The following LHPP variants were observed in gnomAD, a reference collection of about 807,000 sequenced individuals.
LHPP encodes phospholysine phosphohistidine inorganic pyrophosphate phosphatase.
LHPP carries 24 observed loss-of-function variants against 30.3 expected under a neutral mutation model. That is an observed-to-expected ratio of 0.79 (90% CI 0.57 to 1.11). The LOEUF (loss-of-function observed/expected upper bound fraction) is 1.11. Among genes scored for constraint, LHPP ranks in the 50% most tolerant of loss-of-function variants. The pLI is 0.00. For missense variants in LHPP, 356 were observed against 367.2 expected, an observed-to-expected ratio of 0.97 and a Z score of 0.25; for synonymous variants, 150 against 157.1, an observed-to-expected ratio of 0.95 and a Z score of 0.34.
At chr10:124,552,299 A>C (rs974576461) in intron 6 of LHPP, among the ~76,000 whole-genome samples, 3 of 152,104 alleles carry the variant, frequency 2.0e-5, no homozygotes, top group African/African-American at 7.2e-5. Flanking sequence ...CTACTTGACC[A>C]AGGTCATCCC....
chr10:124,484,076 C>A, intron 1 of LHPP, 63 bp from the exon 2 acceptor site: 1 of 1,522,088 alleles, frequency 6.6e-7, no homozygotes, highest in South Asian at 1.2e-5. Flanking sequence ...CACCGCGCAA[C>A]CTCCTTCAGA....
intron 6 of LHPP, among the ~76,000 whole-genome samples, chr10:124,582,672 T>G (rs1189172623): frequency 6.6e-6 from 1 of 152,162 alleles, no homozygotes; most frequent in Non-Finnish European, 1.5e-5. Context: ...ACACCCTATA[T>G]TCTTACAATA....
intron 4 of LHPP, among the ~76,000 whole-genome samples, 153 bp downstream of exon 4, chr10:124,497,177 C>CCGGGCCCT (rs1208393701): frequency 2.7e-5 from 4 of 150,544 alleles, no homozygotes; most frequent in African/African-American, 9.8e-5. Flanking sequence ...GCTCCCCTGG[C>CCGGGCCCT]CGGGCCCTCG....
intron 6 of LHPP, among the ~76,000 whole-genome samples, chr10:124,561,467 G>A (rs1043735695): frequency 1.3e-4 from 19 of 151,986 alleles, no homozygotes; most frequent in African/African-American, 4.6e-4. Context: ...CCCACTGGAC[G>A]GGCAGCATCA....
chr10:124,589,041 G>T (rs147629398), intron 6 of LHPP, among the ~76,000 whole-genome samples: 46 of 152,338 alleles, frequency 3.0e-4, no homozygotes, highest in African/African-American at 1.0e-3. Context: ...GCTCCGAGAT[G>T]ATCTCATGGT....
rs143278038 is a variant in LHPP, at chr10:124,488,444, G to A, written c.336G>A (p.Gln112=). The change falls in exon 3 of 7, where the codon CAG becomes CAA. Residue 112 remains glutamine, a synonymous_variant. Coordinates refer to ENST00000368842, the MANE Select transcript of LHPP (RefSeq NM_022126.4). ...IHDGVRSEFD[Q]IDTSNPNCVV... The stretch of plus-strand genomic sequence containing the variant: ...CAGGAGTCCGCTCAGAATTTGATCA[G>A]ATCGACACATCCAACCCAAACTGTG... 2 of 1,614,092 alleles carry A rather than the reference G, an allele frequency of 1.2e-6. No homozygotes were observed.
chr10:124,532,691 T>C (rs1954928197), intron 6 of LHPP, among the ~76,000 whole-genome samples: 1 of 152,256 alleles, frequency 6.6e-6, no homozygotes, highest in East Asian at 1.9e-4. Context: ...TCTGCATTTG[T>C]GGTTCTCTTC....
intron 6 of LHPP, among the ~76,000 whole-genome samples, chr10:124,607,416 G>A (rs182495027): frequency 7.9e-5 from 12 of 152,402 alleles, no homozygotes; most frequent in Non-Finnish European, 4.4e-5. Flanking sequence ...TTTCCGCTGC[G>A]TGTGGGCAAA....
At chr10:124,595,247 G>A (rs1056840745) in intron 6 of LHPP, among the ~76,000 whole-genome samples, 10 of 152,312 alleles carry the variant, frequency 6.6e-5, no homozygotes, top group South Asian at 2.1e-4. Flanking sequence ...TTCCCCACCC[G>A]CTGCAACCTG....
chr10:124,462,785 C>T (rs1215475240), intron 1 of LHPP, among the ~76,000 whole-genome samples: 2 of 152,240 alleles, frequency 1.3e-5, no homozygotes, highest in African/African-American at 4.8e-5. Context: ...GCAACCTCCG[C>T]CTCCCGGGTG....
chr10:124,578,300 C>T (rs1948694967), intron 6 of LHPP, among the ~76,000 whole-genome samples: 1 of 152,236 alleles, frequency 6.6e-6, no homozygotes, highest in Non-Finnish European at 1.5e-5. Context: ...CGCCCCGTGA[C>T]CACCTCAGGG....
chr10:124,555,165 T>C (rs534764740), intron 6 of LHPP, among the ~76,000 whole-genome samples: 2 of 152,258 alleles, frequency 1.3e-5, no homozygotes, highest in South Asian at 4.2e-4. Flanking sequence ...CCCTTTGCTC[T>C]CTTCCTGGGT....
At chr10:124,604,486 G>A (rs991907233) in intron 6 of LHPP, among the ~76,000 whole-genome samples, 5 of 152,222 alleles carry the variant, frequency 3.3e-5, no homozygotes, top group African/African-American at 1.2e-4. Flanking sequence ...GCAGCCTTCA[G>A]AGAAGCTGCG....
At chr10:124,534,401 A>G (rs894634926) in intron 6 of LHPP, among the ~76,000 whole-genome samples, 1 of 152,228 alleles carries the variant, frequency 6.6e-6, no homozygotes, top group African/African-American at 2.4e-5. Context: ...GGAAGAGGGC[A>G]GCACCGGCAC....
intron 6 of LHPP, among the ~76,000 whole-genome samples, chr10:124,602,161 G>A (rs1949031614): frequency 6.6e-6 from 1 of 152,196 alleles, no homozygotes; most frequent in African/African-American, 2.4e-5. Flanking sequence ...GCTGACGTGA[G>A]CCCAGATTTC....
intron 4 of LHPP, among the ~76,000 whole-genome samples, chr10:124,497,248 CCTCCCCA>C (rs1953746749): frequency 7.8e-5 from 2 of 25,778 alleles, no homozygotes; most frequent in Non-Finnish European, 8.4e-5. Context: ...TCCTTCCCAT[CCTCCCCA>C]TCCTCCCCAT....
At chr10:124,546,600 TG>T (rs1467420435) in intron 6 of LHPP, among the ~76,000 whole-genome samples, 1 of 152,066 alleles carries the variant, frequency 6.6e-6, no homozygotes, top group Non-Finnish European at 1.5e-5. Flanking sequence ...TTAGTAGAGA[TG>T]GGGTTTCACC....
intron 6 of LHPP, chr10:124,612,872 G>C: frequency 4.5e-6 from 1 of 221,920 alleles, no homozygotes; most frequent in South Asian, 8.3e-5. Context: ...CTCCCACGGG[G>C]CACTAGGCCA....
chr10:124,599,183 A>C (rs1274306289), intron 6 of LHPP, among the ~76,000 whole-genome samples: 2 of 145,358 alleles, frequency 1.4e-5, no homozygotes, highest in African/African-American at 2.6e-5. Flanking sequence ...CACTCATCCC[A>C]CCCACCCATC....
Sources: gnomAD v4.1 joint callset for allele counts (sites outside exome capture counted in the v4.1 genomes callset) on GRCh38, gnomAD v4.1.1 for gene constraint, MANE v1.5 for transcripts, NCBI Gene and HGNC (gene_info 2026-07-23, HGNC 2026-07-21) for gene names.